The following CCDC85A variants were observed in gnomAD, a reference collection of about 807,000 sequenced individuals.
CCDC85A encodes coiled-coil domain containing 85A.
Under a neutral mutation model 50.2 loss-of-function variants are expected in CCDC85A, and 38 were observed. That is an observed-to-expected ratio of 0.76 (90% CI 0.58 to 0.99). The LOEUF (loss-of-function observed/expected upper bound fraction) is 0.99. Among genes scored for constraint, CCDC85A ranks in the 50% least tolerant of loss-of-function variants. The probability of loss-of-function intolerance (pLI) is 0.00; values close to 1 mark genes in which losing one functional copy is unlikely to be tolerated. For missense variants in CCDC85A, 820 were observed against 742.0 expected (o/e 1.11, Z -1.22); for synonymous variants, 366 against 301.4 (o/e 1.21, Z -2.22).
chr2:56,354,385 A>C (rs952385738), intron 3 of CCDC85A, among the ~76,000 whole-genome samples: 7 of 152,372 alleles, frequency 4.6e-5, no homozygotes, highest in Admixed American at 1.3e-4. Context: ...AGCTGCATAT[A>C]AATCAAAGTC....
chr2:56,309,724 A>G (rs1196464303), intron 2 of CCDC85A, among the ~76,000 whole-genome samples: 1 of 152,120 alleles, frequency 6.6e-6, no homozygotes, highest in East Asian at 1.9e-4. Flanking sequence ...CCAATGTAAA[A>G]GGTTGTCATT....
At chr2:56,223,283 T>C (rs1029348124) in intron 2 of CCDC85A, among the ~76,000 whole-genome samples, 9 of 152,176 alleles carry the variant, frequency 5.9e-5, no homozygotes, top group African/African-American at 2.2e-4. Flanking sequence ...GCCGGATAGT[T>C]AATATTTTAG....
intron 2 of CCDC85A, among the ~76,000 whole-genome samples, chr2:56,279,643 TAGA>T (rs1216013627): frequency 8.5e-5 from 13 of 152,234 alleles, no homozygotes; most frequent in Non-Finnish European, 1.6e-4. Context: ...TCAACTTTTT[TAGA>T]CTCCACATAT....
intron 2 of CCDC85A, among the ~76,000 whole-genome samples, chr2:56,196,223 A>G (rs142006647): frequency 5.0e-4 from 76 of 152,338 alleles, no homozygotes; most frequent in African/African-American, 1.5e-3. Flanking sequence ...ATTTAAACAA[A>G]TCTCCAAACT....
chr2:56,321,249 C>T (rs978221639), intron 2 of CCDC85A, among the ~76,000 whole-genome samples: 3 of 152,166 alleles, frequency 2.0e-5, no homozygotes, highest in African/African-American at 7.2e-5. Context: ...GATGCCCTCT[C>T]TCACCACTCC....
At chr2:56,372,848 G>A (rs1209115402) in intron 4 of CCDC85A, among the ~76,000 whole-genome samples, 3 of 152,194 alleles carry the variant, frequency 2.0e-5, no homozygotes, top group Admixed American at 6.5e-5. Flanking sequence ...GGTGATGCAT[G>A]CACTGTGTGA....
intron 2 of CCDC85A, among the ~76,000 whole-genome samples, chr2:56,239,695 A>G (rs1462941394): frequency 6.6e-6 from 1 of 152,128 alleles, no homozygotes; most frequent in East Asian, 1.9e-4. Flanking sequence ...AGACCAAAGT[A>G]AAGTTTATTT....
chr2:56,348,106 G>A (rs79894069), intron 3 of CCDC85A, among the ~76,000 whole-genome samples: 87 of 152,246 alleles, frequency 5.7e-4, no homozygotes, highest in Non-Finnish European at 8.5e-4. Flanking sequence ...AAAGAGACTC[G>A]ACTAGAGACA....
chr2:56,189,953 G>T (rs1292978228), intron 1 of CCDC85A, among the ~76,000 whole-genome samples: 4 of 152,158 alleles, frequency 2.6e-5, no homozygotes, highest in African/African-American at 9.7e-5. Context: ...AAAAAGGAGA[G>T]GTGGGAATTA....
rs183155985 is a variant in CCDC85A at position 56,192,003 on chromosome 2, T to C, written c.277-474T>C. Reference sequence around the variant, plus strand: ...GGGAGCCTTGTTTTTATCTAGTGACTGATTTCTTGATAATGAACTGGTTGC... The same window carrying C: ...GGGAGCCTTGTTTTTATCTAGTGACCGATTTCTTGATAATGAACTGGTTGC... On this transcript the variant is annotated intron_variant, in intron 1 of 5. Transcript: ENST00000407595. This position sits in a 1 kb window ranked among gnomAD's most constrained non-coding sequence, Gnocchi z 4.7. Among the ~76,000 whole-genome samples, 1 of 152,332 alleles carries C rather than the reference T, an allele frequency of 6.6e-6. No individual in the cohort carries two copies. The highest frequency in any genetic ancestry group is 6.5e-5 in the Admixed American group (1 of 15,310).
intron 3 of CCDC85A, among the ~76,000 whole-genome samples, chr2:56,349,907 C>CA (rs1465519335): frequency 6.7e-6 from 1 of 150,284 alleles, no homozygotes; most frequent in Non-Finnish European, 1.5e-5. Flanking sequence ...GAATTTTTTG[C>CA]AAAAAATTAT....
chr2:56,295,004 C>T (rs993474310), intron 2 of CCDC85A, among the ~76,000 whole-genome samples: 1 of 152,166 alleles, frequency 6.6e-6, no homozygotes, highest in Non-Finnish European at 1.5e-5. Flanking sequence ...ATTGAATTGT[C>T]TGCATTATCT....
intron 2 of CCDC85A, among the ~76,000 whole-genome samples, chr2:56,336,611 A>G (rs1023790529): frequency 1.2e-4 from 19 of 152,348 alleles, no homozygotes; most frequent in African/African-American, 4.3e-4. Context: ...AATACCAATA[A>G]TAAACCTTTT....
chr2:56,203,003 T>C (rs531985348), intron 2 of CCDC85A, among the ~76,000 whole-genome samples: 106 of 152,268 alleles, frequency 7.0e-4, no homozygotes, highest in Non-Finnish European at 1.2e-3. Context: ...ACGAAGGCAA[T>C]TGTGAGACAT....
intron 2 of CCDC85A, among the ~76,000 whole-genome samples, chr2:56,282,404 A>G (rs1312372896): frequency 2.0e-5 from 3 of 152,234 alleles, no homozygotes; most frequent in African/African-American, 7.2e-5. Flanking sequence ...AGTATATATT[A>G]AAGTAATTGT....
chr2:56,357,078 CAAA>C (rs199639570), intron 3 of CCDC85A, among the ~76,000 whole-genome samples: 5 of 86,838 alleles, frequency 5.8e-5, no homozygotes, highest in Non-Finnish European at 2.4e-5. Flanking sequence ...GACTCCATCT[CAAA>C]AAAAAAAAAA....
chr2:56,258,424 C>G (rs1242767206), intron 2 of CCDC85A, among the ~76,000 whole-genome samples: 1 of 152,180 alleles, frequency 6.6e-6, no homozygotes, highest in Non-Finnish European at 1.5e-5. Context: ...ATAGGCCACA[C>G]TCTCCCTGCC....
chr2:56,187,866 C>A (rs1676121332), intron 1 of CCDC85A, among the ~76,000 whole-genome samples: 2 of 152,178 alleles, frequency 1.3e-5, no homozygotes. Flanking sequence ...CTGCTCTGAC[C>A]CAGTATCCCA....
chr2:56,375,732 G>A (rs1014412443), intron 4 of CCDC85A, 84 bp from the exon 5 acceptor site: 29 of 1,388,266 alleles, frequency 2.1e-5, no homozygotes, highest in Non-Finnish European at 2.6e-5. Flanking sequence ...TTCTCATTTG[G>A]TAGTGAAATT....
Sources: gnomAD v4.1 joint callset for allele counts (sites outside exome capture counted in the v4.1 genomes callset) on GRCh38, gnomAD v4.1.1 for gene constraint, Gnocchi (gnomAD v3.1) non-coding constraint, MANE v1.5 for transcripts, NCBI Gene and HGNC (gene_info 2026-07-23, HGNC 2026-07-21) for gene names.